Variants in GTSE1 observed in about 807,000 individuals in gnomAD.
GTSE1 encodes G2 and S-phase expressed 1.
Under a neutral mutation model 60.5 loss-of-function variants are expected in GTSE1, and 52 were observed. The observed-to-expected ratio is 0.86, with a 90% confidence interval of 0.69 to 1.08. The LOEUF is 1.08. Ranked by LOEUF, GTSE1 falls within the 50% of genes least tolerant of loss-of-function variation. The pLI is 0.00. For synonymous variants in GTSE1, 368 were observed against 386.5 expected, an observed-to-expected ratio of 0.95 and a Z score of 0.56; for missense variants, 937 against 961.8, an observed-to-expected ratio of 0.97 and a Z score of 0.34.
chr22:46,308,152 ATTC>A lies in GTSE1; in HGVS notation c.88_90del (p.Leu31del). ...AACAGTGGATTTTTTCCCTCTAGAC[ATTC>A]TTCTTTTGGCCGATGAAAAATTTGA... On this transcript the variant is annotated inframe_deletion, in exon 3 of 12. Transcript: ENST00000454366. 1 of 1,608,298 alleles carries A rather than the reference ATTC, an allele frequency of 6.2e-7. No individual in the cohort carries two copies. Among genetic ancestry groups the A allele is most frequent in the Non-Finnish European group, 8.5e-7 (1 of 1,174,836 alleles).
rs1481157009 is a variant in GTSE1 at position 46,308,909 on chromosome 22, T to A, written c.728T>A (p.Val243Asp). The A allele has an allele frequency of 6.2e-7, 1 of 1,612,654 alleles. No individual in the cohort carries two copies. Among genetic ancestry groups the A allele is most frequent in the Admixed American group, 1.7e-5 (1 of 60,006 alleles). The change falls in exon 4 of 12, where the codon GTT (valine) becomes GAT (aspartate). Residue 243 changes from valine (V) to aspartate (D), a missense_variant. Val to Asp is a radical substitution (Grantham distance 152, BLOSUM62 -3). Coordinates refer to ENST00000454366, the MANE Select transcript of GTSE1 (RefSeq NM_016426.7). Reference protein sequence around the residue: ...TKLLLPRAASVRGRSIPGAAE... With the variant: ...TKLLLPRAASDRGRSIPGAAE... ...TTGCTGCTGCCTCGAGCGGCCTCTG[T>A]TAGAGGAAGAAGCATCCCTGGGGCT...
Position 46,297,066 on chromosome 22 carries a change from C to T in GTSE1, c.-22+135C>T, listed in dbSNP as rs1030129176. The T allele has an allele frequency of 1.6e-4, 43 of 273,080 alleles. No homozygotes were observed. The highest frequency in any genetic ancestry group is 9.4e-4 in the African/African-American group (41 of 43,392). 16.9% of individuals were successfully genotyped at this position (273,080 alleles called of 1,614,324 possible). A position where few individuals can be genotyped will look rare whatever the true frequency, so the allele number is the denominator to read the frequency against. On this transcript the variant is annotated intron_variant, in intron 1 of 11. Transcript: ENST00000454366. The surrounding 1 kb of genome is among the most constrained non-coding windows in gnomAD (Gnocchi z 4.9). ...TGGGCTCGAGCAGGGGTCACTGAGG[C>T]CCCTCGCGCCGTGGTCGGGGATGCC...
At chr22:46,305,507 G>C (rs2077710625) in intron 2 of GTSE1, among the ~76,000 whole-genome samples, 1 of 152,152 alleles carries the variant, frequency 6.6e-6, no homozygotes, top group Non-Finnish European at 1.5e-5. Flanking sequence ...TACTCGGGAG[G>C]CTGAGGCAGG....
Position 46,326,443 on chromosome 22 carries a change from G to T in GTSE1, c.1513G>T (p.Val505Phe). ...QSCTSVGRVT[V>F]HSTPVRRSSG... Reference sequence around the variant, plus strand: ...TGATGTTGTGTTTGCCAGGGTCACTGTCCACAGCACCCCGGTTAGACGCTC... The same window carrying T: ...TGATGTTGTGTTTGCCAGGGTCACTTTCCACAGCACCCCGGTTAGACGCTC... Residue 505 changes from valine to phenylalanine, a missense_variant, in exon 9 of 12, where the codon GTC becomes TTC. Val to Phe is a conservative substitution (Grantham distance 50). Transcript: ENST00000454366. 5.0e-6 allele frequency: 8 copies of T among 1,603,068 alleles called. No homozygotes were observed. The highest frequency in any genetic ancestry group is 6.8e-6 in the Non-Finnish European group (8 of 1,171,590).
At chr22:46,315,518 T>C (rs962711927) in intron 6 of GTSE1, among the ~76,000 whole-genome samples, 3 of 152,242 alleles carry the variant, frequency 2.0e-5, no homozygotes, top group African/African-American at 7.2e-5. Flanking sequence ...AAGAATCCTT[T>C]ACCAGATCGT....
At chr22:46,323,312 C>A in intron 8 of GTSE1, 50 bp downstream of exon 8, 1 of 1,346,320 alleles carries the variant, frequency 7.4e-7, no homozygotes, top group Non-Finnish European at 1.1e-6. Flanking sequence ...GAATGACTCA[C>A]GCATCTGCTT....
chr22:46,297,026 G>T lies in GTSE1; in HGVS notation c.-22+95G>T, dbSNP rs982876720. ...TCGGGACGGGGAGGGGCCGCGCCCC[G>T]CCAGGAGCCGGGCCTGGGCTCGAGC... On this transcript the variant is annotated intron_variant, in intron 1 of 11. Transcript: ENST00000454366. The surrounding 1 kb of genome is among the most constrained non-coding windows in gnomAD (Gnocchi z 4.9). 4 of 198,376 alleles carry T rather than the reference G, an allele frequency of 2.0e-5. No individual in the cohort carries two copies. Among genetic ancestry groups the T allele is most frequent in the Admixed American group, 1.7e-4 (3 of 17,422 alleles). 12.3% of individuals were successfully genotyped at this position (198,376 alleles called of 1,614,324 possible).
At position 46,322,132 on chromosome 22, in the gene GTSE1, C is replaced by A. The variant is rs2077816965; in HGVS notation, c.1433-1058C>A. Reference sequence around the variant, plus strand: ...GAGAGGAAATGTAAGTGCAGGCAGCCTTTCTGAGGAGATCTGGTTTAAAGC... The same window carrying A: ...GAGAGGAAATGTAAGTGCAGGCAGCATTTCTGAGGAGATCTGGTTTAAAGC... On this transcript the variant is annotated intron_variant, in intron 7 of 11. Transcript: ENST00000454366. 4.6e-5 allele frequency among the ~76,000 whole-genome samples: 7 copies of A among 150,894 alleles called. No homozygotes were observed. In the South Asian group the frequency reaches 1.5e-3, roughly 32 times the overall value.
Position 46,329,880 on chromosome 22 carries a change from T to G in GTSE1, c.2137-167T>G, listed in dbSNP as rs2077866306. ...CCTGGGCTTCTCCGTGTGTGTCCTG[T>G]CTCCTTCCAGCTTCTTAGACGTGGT... On this transcript the variant is annotated intron_variant, in intron 11 of 11. Coordinates refer to ENST00000454366, the MANE Select transcript of GTSE1 (RefSeq NM_016426.7). The surrounding 1 kb of genome is among the most constrained non-coding windows in gnomAD (Gnocchi z 6.4). 4.6e-5 allele frequency among the ~76,000 whole-genome samples: 7 copies of G among 152,162 alleles called. No individual in the cohort carries two copies. The highest frequency in any genetic ancestry group is 4.6e-4 in the Admixed American group (7 of 15,280).
chr22:46,303,364 G>A (rs535588740), intron 2 of GTSE1, among the ~76,000 whole-genome samples: 1 of 152,278 alleles, frequency 6.6e-6, no homozygotes, highest in Non-Finnish European at 1.5e-5. Context: ...GTTCTTTGTA[G>A]ATATGAAAGC....
chr22:46,306,962 A>G (rs935970190), intron 2 of GTSE1, among the ~76,000 whole-genome samples: 1 of 152,202 alleles, frequency 6.6e-6, no homozygotes, highest in African/African-American at 2.4e-5. Flanking sequence ...AGGAGCTTAT[A>G]GTCTAGTTGG....
At position 46,329,444 on chromosome 22, in the gene GTSE1, C is replaced by T; in HGVS notation, c.2013C>T (p.Asp671=). 6.2e-7 allele frequency: 1 copy of T among 1,614,178 alleles called. No individual in the cohort carries two copies. The highest frequency in any genetic ancestry group is 1.1e-5 in the South Asian group (1 of 91,090). ...SQPLIDLPLI[D]FCDTPEAHVA... is the part of the protein sequence containing the mutation. ...CCCTCATTGACCTTCCTCTCATCGACTTCTGCGATACCCCAGAAGCACACG... is the reference window on the plus strand; with the variant it reads ...CCCTCATTGACCTTCCTCTCATCGATTTCTGCGATACCCCAGAAGCACACG... Residue 671 remains aspartate (D), a synonymous_variant, in exon 11 of 12, where the codon GAC becomes GAT. Coordinates refer to ENST00000454366, the MANE Select transcript of GTSE1 (RefSeq NM_016426.7). This position sits in a 1 kb window ranked among gnomAD's most constrained non-coding sequence, Gnocchi z 6.4.
At position 46,316,028 on chromosome 22, in the gene GTSE1, C is replaced by G; in HGVS notation, c.1052-4C>G. On this transcript the variant is annotated splice_region_variant and splice_polypyrimidine_tract_variant and intron_variant, in intron 6 of 11. Coordinates refer to ENST00000454366, the MANE Select transcript of GTSE1 (RefSeq NM_016426.7). This position sits in a 1 kb window ranked among gnomAD's most constrained non-coding sequence, Gnocchi z 5.0. ...AATGTGATTTTTGTGTGTATACCTT[C>G]TAGCTAAATCAAGTGAATTTGCAAG... 1 of 1,506,684 alleles carries G rather than the reference C, an allele frequency of 6.6e-7. No individual in the cohort carries two copies. Among genetic ancestry groups the G allele is most frequent in the Non-Finnish European group, 8.9e-7 (1 of 1,125,712 alleles). The allele number at this position is 1,506,684 out of a possible 1,614,324, so 93.3% of individuals were successfully genotyped here.
chr22:46,307,334 A>C (rs1454741326), intron 2 of GTSE1, among the ~76,000 whole-genome samples: 1 of 152,158 alleles, frequency 6.6e-6, no homozygotes, highest in Non-Finnish European at 1.5e-5. Context: ...AGGGGAATTT[A>C]ATTCTAGGGG....
Position 46,313,356 on chromosome 22 carries a change from G to A in GTSE1, c.928-534G>A, listed in dbSNP as rs975054559. Among the ~76,000 whole-genome samples the A allele has an allele frequency of 1.3e-4, 20 of 152,238 alleles. No individual in the cohort carries two copies. The highest frequency in any genetic ancestry group is 4.6e-4 in the African/African-American group (19 of 41,538). On this transcript the variant is annotated intron_variant, in intron 5 of 11. Coordinates refer to ENST00000454366, the MANE Select transcript of GTSE1 (RefSeq NM_016426.7). The surrounding 1 kb of genome is among the most constrained non-coding windows in gnomAD (Gnocchi z 4.4). ...GCTGACTCATGGGGTCTGGGTTGGG[G>A]CCCCAAATCTGCATTTCTGCTAGCT... is the stretch of plus-strand genomic sequence containing the variant.
rs887745301 is a variant in GTSE1 at position 46,314,070 on chromosome 22, C to T, written c.1051+57C>T. On this transcript the variant is annotated intron_variant, in intron 6 of 11. Transcript: ENST00000454366. The surrounding 1 kb of genome is among the most constrained non-coding windows in gnomAD (Gnocchi z 7.1). ...ATCTGGCCAGGTGAGGCCTGGAGTG[C>T]TGCTCAGGCCTTGGAGACTGTTTCT... 1.7e-5 allele frequency: 27 copies of T among 1,597,878 alleles called. No homozygotes were observed. Among genetic ancestry groups the T allele is most frequent in the Non-Finnish European group, 2.1e-5 (25 of 1,168,004 alleles).
chr22:46,327,350 C>T (rs545336278), intron 9 of GTSE1: 1 of 152,228 alleles, frequency 6.6e-6, no homozygotes, highest in East Asian at 1.9e-4. Context: ...TCGTGTATAA[C>T]CTTTGAAACA....
In GTSE1 at chr22:46,314,554, G is replaced by A. The variant is rs2077767692; in HGVS notation, c.1051+541G>A. Among the ~76,000 whole-genome samples the A allele has an allele frequency of 1.3e-5, 2 of 152,018 alleles. No homozygotes were observed. Among genetic ancestry groups the A allele is most frequent in the Non-Finnish European group, 2.9e-5 (2 of 68,000 alleles). On this transcript the variant is annotated intron_variant, in intron 6 of 11. Transcript: ENST00000454366. The surrounding 1 kb of genome is among the most constrained non-coding windows in gnomAD (Gnocchi z 7.1). ...ATGTGGCGTCTCGGGGTCGTTCAGG[G>A]CAGCATGGTGTGGATTGTGTTCACA...
At chr22:46,325,871 T>C (rs1042404254) in intron 8 of GTSE1, among the ~76,000 whole-genome samples, 2 of 152,234 alleles carry the variant, frequency 1.3e-5, no homozygotes, top group African/African-American at 4.8e-5. Context: ...GCAAGACCCA[T>C]GGGTAGCCCG....
Sources: allele counts gnomAD v4.1 joint callset (sites outside exome capture counted in the v4.1 genomes callset), GRCh38; gene constraint gnomAD v4.1.1; non-coding constraint Gnocchi (gnomAD v3.1); transcripts MANE v1.5; gene names NCBI Gene and HGNC (gene_info 2026-07-23, HGNC 2026-07-21).